Variants in SCTR observed in about 807,000 individuals in gnomAD.
SCTR encodes secretin receptor.
In SCTR, 56 loss-of-function variants were observed where a neutral mutation model predicts 60.8. That is an observed-to-expected ratio of 0.92 (90% CI 0.74 to 1.15). The LOEUF (loss-of-function observed/expected upper bound fraction) is 1.15, where lower values mean the gene tolerates loss of function less well. SCTR is among the 50% of genes most tolerant of loss of function. The probability of loss-of-function intolerance (pLI) is 0.00; values close to 1 mark genes in which losing one functional copy is unlikely to be tolerated. For missense variants in SCTR, 562 were observed against 550.4 expected, an observed-to-expected ratio of 1.02 and a Z score of -0.21; for synonymous variants, 202 against 217.0, an observed-to-expected ratio of 0.93 and a Z score of 0.61.
chr2:119,454,014 A>G (rs1221177744), intron 7 of SCTR, among the ~76,000 whole-genome samples: 2 of 152,186 alleles, frequency 1.3e-5, no homozygotes, highest in African/African-American at 4.8e-5. Flanking sequence ...AATGATAATA[A>G]AGAAATAGAA....
chr2:119,470,952 C>T (rs6717746), intron 4 of SCTR, among the ~76,000 whole-genome samples: 6,281 of 152,282 alleles, frequency 0.041, 414 homozygotes, highest in African/African-American at 0.14. Context: ...CCACCCGTCT[C>T]GACCTCCCAA....
chr2:119,490,874 G>A (rs1249880909), intron 2 of SCTR, among the ~76,000 whole-genome samples: 1 of 152,198 alleles, frequency 6.6e-6, no homozygotes, highest in African/African-American at 2.4e-5. Flanking sequence ...AAGTGCAAGG[G>A]AATGAAAACT....
rs147612264 is a variant in SCTR, at chr2:119,473,474, G to T, written c.384C>A (p.Asn128Lys). The T allele has an allele frequency of 1.0e-4, 166 of 1,613,162 alleles. No individual in the cohort carries two copies. In the African/African-American group the frequency reaches 2.0e-3, roughly 20 times the overall value. ...RPNLACGVNV[N>K]DSSNEKRHSY... ...TTACCCGCTTCTCGTTGGAAGAGTCGTTCACATTAACGCCACAGGCCAGAT... is the reference window on the plus strand; with the variant it reads ...TTACCCGCTTCTCGTTGGAAGAGTCTTTCACATTAACGCCACAGGCCAGAT... Residue 128 changes from asparagine to lysine, a missense_variant, in exon 4 of 13, where the codon AAC (asparagine) becomes AAA (lysine). Physicochemically the swap from Asn to Lys is moderately conservative, Grantham distance 94. Transcript: ENST00000019103.
intron 1 of SCTR, among the ~76,000 whole-genome samples, chr2:119,503,896 G>A (rs1678644314): frequency 6.6e-6 from 1 of 151,606 alleles, no homozygotes. Context: ...GGATTGAAGG[G>A]GTATATGGAA....
chr2:119,441,717 A>C, intron 11 of SCTR, 118 bp from the exon 12 acceptor site: 1 of 851,140 alleles, frequency 1.2e-6, no homozygotes. Context: ...TCATTTCCCC[A>C]CCTCTCTTGC....
At chr2:119,521,731 G>A (rs1171176929) in intron 1 of SCTR, among the ~76,000 whole-genome samples, 2 of 152,174 alleles carry the variant, frequency 1.3e-5, no homozygotes, top group South Asian at 4.2e-4. Flanking sequence ...TCAAGGGGGA[G>A]CTTCAAATGA....
chr2:119,457,318 A>C (rs1309812806), intron 7 of SCTR, among the ~76,000 whole-genome samples: 4 of 152,364 alleles, frequency 2.6e-5, no homozygotes, highest in Admixed American at 6.5e-5. Context: ...TCTCAGTGGT[A>C]AACACTATTT....
At chr2:119,515,145 T>A (rs1370927019) in intron 1 of SCTR, among the ~76,000 whole-genome samples, 1 of 152,192 alleles carries the variant, frequency 6.6e-6, no homozygotes, top group African/African-American at 2.4e-5. Context: ...TGAAGGTGAA[T>A]GGGACATAGA....
intron 2 of SCTR, among the ~76,000 whole-genome samples, chr2:119,493,790 C>T (rs375764195): frequency 1.3e-5 from 2 of 152,060 alleles, no homozygotes; most frequent in African/African-American, 2.4e-5. Context: ...TACAGGCATG[C>T]GCCACCACGC....
At chr2:119,475,341 T>G (rs1487452939) in intron 3 of SCTR, among the ~76,000 whole-genome samples, 2 of 152,292 alleles carry the variant, frequency 1.3e-5, no homozygotes, top group Non-Finnish European at 2.9e-5. Context: ...GGGCTCCCTG[T>G]GGGCTCGCCC....
Position 119,506,547 on chromosome 2 carries a change from T to G in SCTR, c.73-11999A>C, listed in dbSNP as rs146840725. Among the ~76,000 whole-genome samples the G allele has an allele frequency of 4.0e-3, 602 of 152,214 alleles. 3 individuals are homozygous for G. Among genetic ancestry groups the G allele is most frequent in the African/African-American group, 0.013 (546 of 41,518 alleles). On this transcript the variant is annotated intron_variant, in intron 1 of 12. Coordinates refer to ENST00000019103, the MANE Select transcript of SCTR (RefSeq NM_002980.3). Reference sequence around the variant, plus strand: ...CCCAGGCTGGAGTGCAGTGGTGTAATCATAGTTCACCGCAGCCTTGAATCC... The same window carrying G: ...CCCAGGCTGGAGTGCAGTGGTGTAAGCATAGTTCACCGCAGCCTTGAATCC...
intron 2 of SCTR, among the ~76,000 whole-genome samples, chr2:119,484,318 C>A (rs1215156372): frequency 6.6e-6 from 1 of 152,122 alleles, no homozygotes; most frequent in East Asian, 1.9e-4. Flanking sequence ...GCCACCTCCG[C>A]CACCAATTGT....
Position 119,443,117 on chromosome 2 carries a change from C to T in SCTR, c.1141-1518G>A, listed in dbSNP as rs531592361. ...GCATGGGCTAGGGTTGCCTGGCCTC[C>T]GCTGCGCTAGGGTCCAGGGACACAT... On this transcript the variant is annotated intron_variant, in intron 11 of 12. Transcript: ENST00000019103. Among the ~76,000 whole-genome samples, 16 of 152,244 alleles carry T rather than the reference C, an allele frequency of 1.1e-4. No individual in the cohort carries two copies. The East Asian group carries it at 1.2e-3, about 11-fold the overall frequency.
intron 1 of SCTR, among the ~76,000 whole-genome samples, chr2:119,507,171 CA>C (rs1157407112): frequency 6.6e-6 from 1 of 152,144 alleles, no homozygotes; most frequent in Non-Finnish European, 1.5e-5. Flanking sequence ...GTCCATTTAA[CA>C]GGATATGTTC....
At chr2:119,445,286 C>T (rs969178776) in intron 11 of SCTR, among the ~76,000 whole-genome samples, 3 of 152,204 alleles carry the variant, frequency 2.0e-5, no homozygotes, top group South Asian at 4.1e-4. Context: ...TGTGCCCAGC[C>T]TCCCTGGACG....
Position 119,450,919 on chromosome 2 carries a change from C to T in SCTR, c.921+1091G>A, listed in dbSNP as rs373980090. On this transcript the variant is annotated intron_variant, in intron 9 of 12. Coordinates refer to ENST00000019103, the MANE Select transcript of SCTR (RefSeq NM_002980.3). ...GGAGGTTGCAGTGAGTCATGGGTTG[C>T]GCCACTGCGCTCCAGCCTGGGTGAC... is the stretch of plus-strand genomic sequence containing the variant. 1.7e-3 allele frequency among the ~76,000 whole-genome samples: 259 copies of T among 152,294 alleles called. 5 individuals carry two copies. The South Asian group carries it at 0.022, about 13-fold the overall frequency.
In SCTR at chr2:119,456,052, AT is replaced by A. The variant is rs563381190; in HGVS notation, c.791-2706del. 1.4e-3 allele frequency among the ~76,000 whole-genome samples: 198 copies of A among 142,424 alleles called. 1 individual carries two copies. The highest frequency in any genetic ancestry group is 5.1e-3 in the African/African-American group (191 of 37,638). The allele number at this position is 142,424 out of a possible 152,430, so 93.4% of individuals were successfully genotyped here. On this transcript the variant is annotated intron_variant, in intron 7 of 12. Coordinates refer to ENST00000019103, the MANE Select transcript of SCTR (RefSeq NM_002980.3). ...GACCCTCAAAATTCTGGGGAAAATG[AT>A]TTTTCAACTTTTTTTTTTTTTTTTT...
At chr2:119,452,164 C>A in intron 8 of SCTR, 85 bp from the exon 9 acceptor site, 1 of 815,372 alleles carries the variant, frequency 1.2e-6, no homozygotes, top group Non-Finnish European at 2.1e-6. Flanking sequence ...CTGAGGTGGC[C>A]CTTGGTATGA....
chr2:119,451,675 C>T (rs980954196), intron 9 of SCTR, among the ~76,000 whole-genome samples: 14 of 152,198 alleles, frequency 9.2e-5, no homozygotes, highest in African/African-American at 3.4e-4. Flanking sequence ...TGTTCAAGGC[C>T]CACAGGTCTG....
Sources: gnomAD v4.1 joint callset for allele counts (sites outside exome capture counted in the v4.1 genomes callset) on GRCh38, gnomAD v4.1.1 for gene constraint, MANE v1.5 for transcripts, NCBI Gene and HGNC (gene_info 2026-07-23, HGNC 2026-07-21) for gene names.